Variants in CACNA2D1 observed in about 807,000 individuals in gnomAD.
CACNA2D1 encodes the protein calcium voltage-gated channel auxiliary subunit alpha2delta 1.
CACNA2D1 carries 53 observed loss-of-function variants against 171.5 expected under a neutral mutation model. The observed-to-expected ratio is 0.31, with a 90% CI of 0.25 to 0.39. The LOEUF (loss-of-function observed/expected upper bound fraction) is 0.39. Among genes scored for constraint, CACNA2D1 ranks in the 10% least tolerant of loss-of-function variants. CACNA2D1 has a pLI of 1.00. For missense variants in CACNA2D1, 903 were observed against 1,299.8 expected (o/e 0.69, Z 4.69); for synonymous variants, 442 against 443.1 (o/e 1.00, Z 0.03).
chr7:82,254,821 A>G (rs1291542388), intron 3 of CACNA2D1, among the ~76,000 whole-genome samples: 4 of 152,066 alleles, frequency 2.6e-5, no homozygotes, highest in African/African-American at 9.7e-5. Context: ...GTCTAAAGGC[A>G]CAGGTTGTGA....
At chr7:82,364,020 G>A (rs1380425830) in intron 1 of CACNA2D1, among the ~76,000 whole-genome samples, 1 of 152,136 alleles carries the variant, frequency 6.6e-6, no homozygotes, top group Non-Finnish European at 1.5e-5. Flanking sequence ...GATTGCTTGA[G>A]GCCAGGAGTT....
intron 3 of CACNA2D1, among the ~76,000 whole-genome samples, chr7:82,253,956 G>T (rs1403333611): frequency 6.6e-6 from 1 of 152,058 alleles, no homozygotes; most frequent in Non-Finnish European, 1.5e-5. Context: ...TGTGCTTGAG[G>T]AGTGTTTCTA....
chr7:82,439,078 G>A (rs909615615), intron 1 of CACNA2D1, among the ~76,000 whole-genome samples: 1 of 152,020 alleles, frequency 6.6e-6, no homozygotes, highest in Non-Finnish European at 1.5e-5. Context: ...TTGAAGACAT[G>A]TGCTAGGAAA....
chr7:82,084,861 A>G lies in CACNA2D1; in HGVS notation c.566T>C (p.Leu189Ser), dbSNP rs775832732. ...VLNELNWTSA[L>S]DEVFKKNREE... Reference sequence around the variant, plus strand: ...GCGATTCTTTTTGAAAACTTCATCTAAGGCACTTGTCCAGTTGAGTTCATT... The same window carrying G: ...GCGATTCTTTTTGAAAACTTCATCTGAGGCACTTGTCCAGTTGAGTTCATT... Residue 189 changes from leucine to serine, a missense_variant, in exon 7 of 39, where the codon TTA becomes TCA. Leu to Ser is a moderately radical substitution (Grantham distance 145). Coordinates refer to ENST00000356860, the MANE Select transcript of CACNA2D1 (RefSeq NM_000722.4). 6.2e-7 allele frequency: 1 copy of G among 1,613,788 alleles called. No individual in the cohort carries two copies.
At chr7:82,348,385 T>C (rs1170723185) in intron 2 of CACNA2D1, among the ~76,000 whole-genome samples, 1 of 152,058 alleles carries the variant, frequency 6.6e-6, no homozygotes, top group African/African-American at 2.4e-5. Flanking sequence ...TTTTTTTTTA[T>C]CAACAGAGTG....
chr7:82,276,040 C>G (rs115292498), intron 3 of CACNA2D1, among the ~76,000 whole-genome samples: 1,553 of 152,230 alleles, frequency 0.01, 21 homozygotes, highest in African/African-American at 0.035. Flanking sequence ...TAGGCAGGTA[C>G]TTTTCCTATC....
chr7:82,436,344 T>A (rs1222029781), intron 1 of CACNA2D1, among the ~76,000 whole-genome samples: 3 of 152,230 alleles, frequency 2.0e-5, no homozygotes, highest in East Asian at 3.9e-4. Flanking sequence ...ATGAAAAAAA[T>A]TTTCTAACAG....
intron 2 of CACNA2D1, among the ~76,000 whole-genome samples, chr7:82,348,192 A>T (rs980638488): frequency 6.6e-6 from 1 of 152,098 alleles, no homozygotes; most frequent in African/African-American, 2.4e-5. Flanking sequence ...TTTAAATAGT[A>T]TCTAAATGAA....
chr7:82,343,107 G>C (rs1433080508), intron 2 of CACNA2D1: 2 of 152,076 alleles, frequency 1.3e-5, no homozygotes, highest in Non-Finnish European at 2.9e-5. Context: ...CAAATTTATA[G>C]TGCATAATTT....
At chr7:82,088,714 G>A (rs1810780667) in intron 6 of CACNA2D1, among the ~76,000 whole-genome samples, 1 of 151,980 alleles carries the variant, frequency 6.6e-6, no homozygotes, top group Non-Finnish European at 1.5e-5. Context: ...TTAATAATAT[G>A]TATAACAGGT....
chr7:82,244,922 A>C (rs1804728094), intron 3 of CACNA2D1, among the ~76,000 whole-genome samples: 1 of 152,154 alleles, frequency 6.6e-6, no homozygotes, highest in African/African-American at 2.4e-5. Flanking sequence ...TACTTATATA[A>C]ACACAACTAC....
At chr7:82,015,156 A>C (rs1297275428) in intron 12 of CACNA2D1, among the ~76,000 whole-genome samples, 2 of 152,236 alleles carry the variant, frequency 1.3e-5, no homozygotes, top group African/African-American at 4.8e-5. Flanking sequence ...CTACATAGCT[A>C]GTCACTGCAA....
chr7:82,370,149 AATTAGTCCAATAATGCT>A (rs888480096), intron 1 of CACNA2D1, among the ~76,000 whole-genome samples: 1 of 152,060 alleles, frequency 6.6e-6, no homozygotes, highest in South Asian at 2.1e-4. Context: ...GTTCACTCTC[AATTAGTCCAATAATGCT>A]ATTACAGAAC....
chr7:81,990,967 C>A (rs1797486549), intron 21 of CACNA2D1, among the ~76,000 whole-genome samples: 1 of 152,056 alleles, frequency 6.6e-6, no homozygotes. Context: ...TGTAAAAATA[C>A]AAAATATATA....
At chr7:82,217,634 T>TCACACACACACACACA (rs71522607) in intron 3 of CACNA2D1, among the ~76,000 whole-genome samples, 2 of 140,156 alleles carry the variant, frequency 1.4e-5, no homozygotes, top group African/African-American at 5.4e-5. Context: ...TGGCACAGTT[T>TCACACACACACACACA]CACACACACA....
chr7:82,079,154 C>A (rs1809371278), intron 7 of CACNA2D1, among the ~76,000 whole-genome samples: 1 of 152,146 alleles, frequency 6.6e-6, no homozygotes, highest in African/African-American at 2.4e-5. Context: ...TTTAAATAAT[C>A]TGATAAATGA....
chr7:82,196,647 G>A (rs1798882857), intron 3 of CACNA2D1, among the ~76,000 whole-genome samples: 1 of 151,972 alleles, frequency 6.6e-6, no homozygotes, highest in Non-Finnish European at 1.5e-5. Flanking sequence ...ATGGAGGGGA[G>A]CAAAGTCATT....
intron 1 of CACNA2D1, among the ~76,000 whole-genome samples, chr7:82,423,385 G>C (rs373289108): frequency 1.3e-5 from 2 of 152,100 alleles, no homozygotes; most frequent in Non-Finnish European, 2.9e-5. Context: ...AAAGGGAATA[G>C]CTACCTTCAG....
intron 8 of CACNA2D1, among the ~76,000 whole-genome samples, chr7:82,064,764 A>T (rs969993415): frequency 6.6e-6 from 1 of 152,174 alleles, no homozygotes. Context: ...TTGCTTAGGA[A>T]CATCAAAAAG....
Sources: allele counts gnomAD v4.1 joint callset (sites outside exome capture counted in the v4.1 genomes callset), GRCh38; gene constraint gnomAD v4.1.1; transcripts MANE v1.5; gene names NCBI Gene and HGNC (gene_info 2026-07-23, HGNC 2026-07-21).